TRIM33: variants seen among roughly 807,000 people sequenced by gnomAD.
TRIM33 encodes the protein tripartite motif containing 33, also known as E3 ubiquitin-protein ligase TRIM33.
Under a neutral mutation model 125.4 loss-of-function variants are expected in TRIM33, and 20 were observed. The ratio of observed to expected loss-of-function variants is 0.16; its 90% CI spans 0.11 to 0.23. The LOEUF (loss-of-function observed/expected upper bound fraction) is 0.23. Among genes scored for constraint, TRIM33 ranks in the 10% least tolerant of loss-of-function variants. The pLI is 1.00. For missense variants in TRIM33, 920 were observed against 1,411.4 expected, an observed-to-expected ratio of 0.65 and a Z score of 5.58; for synonymous variants, 564 against 513.9, an observed-to-expected ratio of 1.10 and a Z score of -1.32.
chr1:114,406,021 T>C (rs575372808), intron 14 of TRIM33, among the ~76,000 whole-genome samples: 1 of 152,314 alleles, frequency 6.6e-6, no homozygotes, highest in African/African-American at 2.4e-5. Flanking sequence ...AGCTATTGAT[T>C]GGGAAGTGAG....
chr1:114,460,807 T>C (rs995096359), intron 4 of TRIM33, among the ~76,000 whole-genome samples: 44 of 152,138 alleles, frequency 2.9e-4, no homozygotes, highest in African/African-American at 1.0e-3. Flanking sequence ...CAAGCTCCTC[T>C]GCTCAGTTCA....
At position 114,464,298 on chromosome 1, in the gene TRIM33, G is replaced by T. The variant is rs1409696800; in HGVS notation, c.617C>A (p.Pro206His). Reference protein sequence around the residue: ...NYFVKDTSEAPSSSDEKSEQV... With the variant: ...NYFVKDTSEAHSSSDEKSEQV... The stretch of plus-strand genomic sequence containing the variant: ...TTCTGATTTTTCATCAGAACTGCTA[G>T]GAGCTTCAGATGTGTCTTTCACAAA... The change falls in exon 2 of 20, where the codon CCT (proline) becomes CAT (histidine). Residue 206 changes from proline to histidine, a missense_variant. Transcript: ENST00000358465. 1.2e-6 allele frequency: 2 copies of T among 1,606,350 alleles called. No individual in the cohort carries two copies.
At chr1:114,483,416 G>GTT (rs553269663) in intron 1 of TRIM33, among the ~76,000 whole-genome samples, 12 of 145,180 alleles carry the variant, frequency 8.3e-5, no homozygotes, top group South Asian at 4.4e-4. Flanking sequence ...ACCCAGTTGG[G>GTT]TTTTTTTTTT....
intron 5 of TRIM33, among the ~76,000 whole-genome samples, chr1:114,432,579 G>A (rs1384772005): frequency 1.3e-5 from 2 of 152,198 alleles, no homozygotes; most frequent in East Asian, 3.9e-4. Context: ...GAGGTCAGGA[G>A]ATCAAGACCA....
rs59231995 is a variant in TRIM33, at chr1:114,439,468, CAAAAAAAAA to C, written c.924-5744_924-5736del. 2.8e-4 allele frequency among the ~76,000 whole-genome samples: 13 copies of C among 45,974 alleles called. No homozygotes were observed. The East Asian group carries it at 6.5e-3, about 23-fold the overall frequency. 30.2% of individuals were successfully genotyped at this position (45,974 alleles called of 152,430 possible). Reference sequence around the variant, plus strand: ...TGGGCGACAGAGAGAGACTCTGTATCAAAAAAAAAAAAAAAAAAAAAAAAAAAATCTAAT... The same window carrying C: ...TGGGCGACAGAGAGAGACTCTGTATCAAAAAAAAAAAAAAAAAAATCTAAT... On this transcript the variant is annotated intron_variant, in intron 4 of 19. Transcript: ENST00000358465.
chr1:114,471,278 TA>T (rs1650633383), intron 1 of TRIM33, among the ~76,000 whole-genome samples: 2 of 151,960 alleles, frequency 1.3e-5, no homozygotes, highest in Admixed American at 1.3e-4. Flanking sequence ...CAAACTCTAC[TA>T]AAAATACAAA....
intron 15 of TRIM33, 170 bp downstream of exon 15, chr1:114,405,240 A>T: frequency 3.4e-6 from 2 of 586,032 alleles, no homozygotes; most frequent in Non-Finnish European, 6.0e-6. Context: ...CTTAGATCTT[A>T]GATATTTTAT....
intron 1 of TRIM33, chr1:114,468,402 G>T: frequency 5.8e-6 from 2 of 346,074 alleles, no homozygotes; most frequent in South Asian, 4.8e-5. Context: ...GGAGGAAGGG[G>T]ATACCCAAAC....
At position 114,427,313 on chromosome 1, in the gene TRIM33, C is replaced by CA; in HGVS notation, c.1303-20dup. 1 of 1,251,210 alleles carries CA rather than the reference C, an allele frequency of 8.0e-7. No individual in the cohort carries two copies. The highest frequency in any genetic ancestry group is 2.4e-5 in the East Asian group (1 of 42,106). The allele number at this position is 1,251,210 out of a possible 1,614,324, so 77.5% of individuals were successfully genotyped here. A position where few individuals can be genotyped will look rare whatever the true frequency, so the allele number is the denominator to read the frequency against. On this transcript the variant is annotated intron_variant, in intron 7 of 19. Transcript: ENST00000358465. ...AAGTAATCTTAAAGGGAAAAAAATC[C>CA]ACATTAGTCTCAAAATTAAATATCA...
Position 114,427,752 on chromosome 1 carries a change from C to T in TRIM33, c.1298G>A (p.Arg433Gln). 6.2e-7 allele frequency: 1 copy of T among 1,613,224 alleles called. No individual in the cohort carries two copies. Among genetic ancestry groups the T allele is most frequent in the Non-Finnish European group, 8.5e-7 (1 of 1,179,536 alleles). Residue 433 changes from arginine (R) to glutamine (Q), a missense_variant, in exon 7 of 20, where the codon CGA becomes CAA. Arg to Gln is a conservative substitution (Grantham distance 43). Around this residue, in one of 8 missense-constraint regions of TRIM33, gnomAD observed 407 missense variants for 589.7 expected, o/e 0.69. Coordinates refer to ENST00000358465, the MANE Select transcript of TRIM33 (RefSeq NM_015906.4). Reference protein sequence around the residue: ...GSSTALLYSKRLITFQLRHIL... With the variant: ...GSSTALLYSKQLITFQLRHIL... ...TAAAAACAGTATGTGTCTCACCAGT[C>T]GCTTGCTGTATAGTAGTGCTGTGCT... is the stretch of plus-strand genomic sequence containing the variant.
At chr1:114,476,013 G>A (rs1376418628) in intron 1 of TRIM33, among the ~76,000 whole-genome samples, 5 of 151,344 alleles carry the variant, frequency 3.3e-5, no homozygotes, top group South Asian at 4.2e-4. Flanking sequence ...ATAATAATAC[G>A]GAAAAATTAT....
rs1438914504 is a variant in TRIM33, at chr1:114,405,668, T to C, written c.2510A>G (p.His837Arg). 1.2e-6 allele frequency: 2 copies of C among 1,614,220 alleles called. No individual in the cohort carries two copies. Among genetic ancestry groups the C allele is most frequent in the Admixed American group, 1.7e-5 (1 of 60,024 alleles). Reference protein sequence around the residue: ...ELDALASLENHVKIEPADMNE... With the variant: ...ELDALASLENRVKIEPADMNE... ...CATATCTGCAGGTTCAATTTTCACA[T>C]GGTTTTCCAGGCTTGCCAATGCATC... The change falls in exon 15 of 20, where the codon CAT becomes CGT. Residue 837 changes from histidine (H) to arginine (R), a missense_variant. Around this residue, in one of 8 missense-constraint regions of TRIM33, gnomAD observed 407 missense variants for 589.7 expected, o/e 0.69. Transcript: ENST00000358465.
chr1:114,481,677 A>G (rs12072153), intron 1 of TRIM33, among the ~76,000 whole-genome samples: 4,616 of 79,184 alleles, frequency 0.058, 111 homozygotes, highest in Middle Eastern at 0.083. Flanking sequence ...ATATGTGTGT[A>G]TATATATATA....
intron 1 of TRIM33, among the ~76,000 whole-genome samples, chr1:114,467,377 T>C (rs1217273418): frequency 6.6e-6 from 1 of 152,154 alleles, no homozygotes. Flanking sequence ...AGAAATGTAA[T>C]GAGTAAGTTT....
At chr1:114,493,652 T>G (rs944275017) in intron 1 of TRIM33, among the ~76,000 whole-genome samples, 1 of 152,102 alleles carries the variant, frequency 6.6e-6, no homozygotes, top group African/African-American at 2.4e-5. Context: ...TTCCTTTGCA[T>G]GTGAAAATCC....
Position 114,445,292 on chromosome 1 carries a change from C to T in TRIM33, c.924-11559G>A, listed in dbSNP as rs150606208. On this transcript the variant is annotated intron_variant, in intron 4 of 19. Transcript: ENST00000358465. The stretch of plus-strand genomic sequence containing the variant: ...TCTCTCACCCAAGCTGGAGTGAGCA[C>T]AGTGGCATGATCACAGCTCACTGCA... Among the ~76,000 whole-genome samples the T allele has an allele frequency of 2.0e-5, 3 of 152,288 alleles. No homozygotes were observed. In the East Asian group the frequency reaches 5.8e-4, roughly 29 times the overall value.
At chr1:114,403,799 C>T (rs577702774) in intron 15 of TRIM33, among the ~76,000 whole-genome samples, 2 of 152,080 alleles carry the variant, frequency 1.3e-5, no homozygotes, top group East Asian at 3.9e-4. Context: ...GTGCTGAGAT[C>T]ACAGGCACCC....
chr1:114,441,049 G>A (rs773111828), intron 4 of TRIM33, among the ~76,000 whole-genome samples: 6 of 152,164 alleles, frequency 3.9e-5, no homozygotes, highest in Admixed American at 2.0e-4. Flanking sequence ...GGCTCACCCC[G>A]TAATCCGCAA....
intron 15 of TRIM33, chr1:114,404,557 T>C (rs1160451016): frequency 6.6e-6 from 1 of 152,154 alleles, no homozygotes; most frequent in East Asian, 1.9e-4. Context: ...AAAAGAAAAT[T>C]CTTAATTTCA....
Sources: gnomAD v4.1 joint callset for allele counts (sites outside exome capture counted in the v4.1 genomes callset) on GRCh38, gnomAD v4.1.1 for gene constraint, gnomAD v4.1.1 regional missense constraint, MANE v1.5 for transcripts, NCBI Gene and HGNC (gene_info 2026-07-23, HGNC 2026-07-21) for gene names.